Variants in MCIDAS observed in about 807,000 individuals in gnomAD.
MCIDAS encodes the protein multicilin.
In MCIDAS, 23 loss-of-function variants were observed where a neutral mutation model predicts 35.4. The observed-to-expected ratio is 0.65, with a 90% CI of 0.47 to 0.92. MCIDAS has a LOEUF of 0.92. Ranked by LOEUF, MCIDAS falls within the 40% of genes least tolerant of loss-of-function variation. The pLI is 0.00. For missense variants in MCIDAS, 480 were observed against 531.8 expected, an observed-to-expected ratio of 0.90 and a Z score of 0.96; for synonymous variants, 228 against 235.2, an observed-to-expected ratio of 0.97 and a Z score of 0.28.
Position 55,227,304 on chromosome 5 carries a change from A to G in MCIDAS, c.-166T>C. On this transcript the variant is annotated 5_prime_UTR_variant, in exon 1 of 7. Coordinates refer to ENST00000513312, the MANE Select transcript of MCIDAS (RefSeq NM_001190787.3). ...CCGAGGGGCTGCCGAGGAGGTGCTG[A>G]GAGATGGCGGGGGAGGGGGAGGACC... The G allele has an allele frequency of 5.3e-6, 5 of 943,656 alleles. No homozygotes were observed. Among genetic ancestry groups the G allele is most frequent in the Non-Finnish European group, 7.1e-6 (5 of 701,324 alleles). The allele number at this position is 943,656 out of a possible 1,614,324, so 58.5% of individuals were successfully genotyped here. A position where few individuals can be genotyped will look rare whatever the true frequency, so the allele number is the denominator to read the frequency against.
intron 5 of MCIDAS, 82 bp from the exon 6 acceptor site, chr5:55,221,208 C>T (rs1745350714): frequency 1.1e-6 from 1 of 891,704 alleles, no homozygotes; most frequent in Non-Finnish European, 1.7e-6. Context: ...AAACCCAGAT[C>T]CTGACGTCTC....
chr5:55,224,845 A>T (rs1745428729), intron 3 of MCIDAS, among the ~76,000 whole-genome samples: 1 of 152,136 alleles, frequency 6.6e-6, no homozygotes. Flanking sequence ...CCTCTGAACT[A>T]GCTCTGTCTT....
rs2111692918 is a variant in MCIDAS at position 55,222,178 on chromosome 5, G to C, written c.604C>G (p.Gln202Glu). The change falls in exon 5 of 7, where the codon CAA (glutamine) becomes GAA (glutamate). Residue 202 changes from glutamine (Q) to glutamate (E), a missense_variant and splice_region_variant. Transcript: ENST00000513312. ...GGTCGCCAGACCAGTGTCCCTACTT[G>C]ATTATTCTCAACAAGCGCGTCTCCC... ...ALGDALVENNQLHVTLTQKQE... is the reference protein window; with the variant it reads ...ALGDALVENNELHVTLTQKQE... 6.5e-7 allele frequency: 1 copy of C among 1,534,520 alleles called. No homozygotes were observed. Among genetic ancestry groups the C allele is most frequent in the Non-Finnish European group, 8.7e-7 (1 of 1,146,862 alleles).
At chr5:55,221,197 C>A in intron 5 of MCIDAS, 71 bp from the exon 6 acceptor site, 2 of 1,082,264 alleles carry the variant, frequency 1.8e-6, no homozygotes, top group South Asian at 2.9e-5. Flanking sequence ...TGGCATGAAT[C>A]AAACCCAGAT....
Position 55,227,162 on chromosome 5 carries a change from G to C in MCIDAS, c.-24C>G, listed in dbSNP as rs1745474859. On this transcript the variant is annotated 5_prime_UTR_variant, in exon 1 of 7. Coordinates refer to ENST00000513312, the MANE Select transcript of MCIDAS (RefSeq NM_001190787.3). ...ATTGTGCCTCCTGCCTCCGGGTGCC[G>C]ACTGCTCGGAGGCGGCGGCCCGGGC... 1 of 1,418,046 alleles carries C rather than the reference G, an allele frequency of 7.1e-7. No individual in the cohort carries two copies. The highest frequency in any genetic ancestry group is 1.5e-5 in the South Asian group (1 of 65,928). 87.8% of individuals were successfully genotyped at this position (1,418,046 alleles called of 1,614,324 possible).
chr5:55,222,040 G>A (rs1745367425), intron 5 of MCIDAS, 136 bp downstream of exon 5: 1 of 698,288 alleles, frequency 1.4e-6, no homozygotes, highest in African/African-American at 1.8e-5. Flanking sequence ...CCGGAGCAAT[G>A]GCAGCTACGT....
In MCIDAS at chr5:55,223,641, C is replaced by G. The variant is rs996290779; in HGVS notation, c.310-618G>C. On this transcript the variant is annotated intron_variant, in intron 3 of 6. Coordinates refer to ENST00000513312, the MANE Select transcript of MCIDAS (RefSeq NM_001190787.3). This position sits in a 1 kb window ranked among gnomAD's most constrained non-coding sequence, Gnocchi z 4.4. ...CCGGATCTTTCCACCCAAGACCCGA[C>G]AGCGTGCAGGGGCCTCGAGCAGTAA... Among the ~76,000 whole-genome samples, 1 of 152,238 alleles carries G rather than the reference C, an allele frequency of 6.6e-6. No individual in the cohort carries two copies. Among genetic ancestry groups the G allele is most frequent in the Non-Finnish European group, 1.5e-5 (1 of 68,040 alleles).
intron 1 of MCIDAS, 31 bp from the exon 2 acceptor site, chr5:55,226,962 T>C: frequency 6.7e-7 from 1 of 1,491,408 alleles, no homozygotes; most frequent in Non-Finnish European, 8.9e-7. Context: ...TGAACGCGGG[T>C]CAGCCCTCGG....
Position 55,221,040 on chromosome 5 carries a change from G to T in MCIDAS, c.693C>A (p.Thr231=). 6.5e-7 allele frequency: 1 copy of T among 1,536,056 alleles called. No individual in the cohort carries two copies. The highest frequency in any genetic ancestry group is 1.4e-5 in the African/African-American group (1 of 73,158). ...CATCCAGCACCGAGGCCAGGTGCCG[G>T]GTTCGGCTGGCGAGTTCCTTCAGCT... ...NVQLKELASR[T]RHLASVLDKL... is the part of the protein sequence containing the mutation. The change falls in exon 6 of 7, where the codon ACC becomes ACA. Residue 231 remains threonine (T), a synonymous_variant. Coordinates refer to ENST00000513312, the MANE Select transcript of MCIDAS (RefSeq NM_001190787.3).
Position 55,223,250 on chromosome 5 carries a change from C to A in MCIDAS, c.310-227G>T, listed in dbSNP as rs1233127741. ...CCCGGGCTCGGCGGCGGTCTGCTCG[C>A]ACTTACGTCGCCAGCCCAGTCTCGT... On this transcript the variant is annotated intron_variant, in intron 3 of 6. Transcript: ENST00000513312. The surrounding 1 kb of genome is among the most constrained non-coding windows in gnomAD (Gnocchi z 4.4). Among the ~76,000 whole-genome samples, 1 of 151,898 alleles carries A rather than the reference C, an allele frequency of 6.6e-6. No homozygotes were observed. The highest frequency in any genetic ancestry group is 2.4e-5 in the African/African-American group (1 of 41,332).
Position 55,221,027 on chromosome 5 carries a change from A to C in MCIDAS, c.706T>G (p.Ser236Ala), listed in dbSNP as rs1010118690. Residue 236 changes from serine to alanine, a missense_variant, in exon 6 of 7, where the codon TCG (serine) becomes GCG (alanine). By Grantham distance (99) the Ser-to-Ala change is moderately conservative. Coordinates refer to ENST00000513312, the MANE Select transcript of MCIDAS (RefSeq NM_001190787.3). The stretch of plus-strand genomic sequence containing the variant: ...CGCGCCCCACTTACATCCAGCACCG[A>C]GGCCAGGTGCCGGGTTCGGCTGGCG... ...ELASRTRHLA[S>A]VLDKLMITQS... The C allele has an allele frequency of 7.8e-6, 12 of 1,535,720 alleles. No homozygotes were observed. The highest frequency in any genetic ancestry group is 1.7e-4 in the Middle Eastern group (1 of 6,002).
rs1745315744 is a variant in MCIDAS, at chr5:55,219,733, C to T, written c.*633G>A. Reference sequence around the variant, plus strand: ...TGAATGATCATTACAAACAAATGTGCTTAGCACCTATTTTGTTGATAGCCC... The same window carrying T: ...TGAATGATCATTACAAACAAATGTGTTTAGCACCTATTTTGTTGATAGCCC... On this transcript the variant is annotated 3_prime_UTR_variant, in exon 7 of 7. Coordinates refer to ENST00000513312, the MANE Select transcript of MCIDAS (RefSeq NM_001190787.3). 1 of 152,150 alleles carries T rather than the reference C, an allele frequency of 6.6e-6. No individual in the cohort carries two copies. Among genetic ancestry groups the T allele is most frequent in the South Asian group, 2.1e-4 (1 of 4,814 alleles). The allele number at this position is 152,150 out of a possible 1,614,324, so 9.4% of individuals were successfully genotyped here.
Position 55,222,243 on chromosome 5 carries a change from TGCTCAG to T in MCIDAS, c.533_538del (p.Pro178_Glu179del). On this transcript the variant is annotated inframe_deletion, in exon 5 of 7. Transcript: ENST00000513312. Reference sequence around the variant, plus strand: ...CTGGTCCGCCACCTCCTTCCAGTATTGCTCAGGCGGGGGCACGTCTGGAGGGCGCAG... The same window carrying T: ...CTGGTCCGCCACCTCCTTCCAGTATTGCGGGGGCACGTCTGGAGGGCGCAG... 6.5e-7 allele frequency: 1 copy of T among 1,536,010 alleles called. No individual in the cohort carries two copies. The highest frequency in any genetic ancestry group is 1.2e-5 in the South Asian group (1 of 84,054).
chr5:55,220,177 T>G lies in MCIDAS; in HGVS notation c.*189A>C. On this transcript the variant is annotated 3_prime_UTR_variant, in exon 7 of 7. Transcript: ENST00000513312. Reference sequence around the variant, plus strand: ...GTGACATATACATATATAAACAGAGTTTCACTGTGACAAGGGGAGGGGCTA... The same window carrying G: ...GTGACATATACATATATAAACAGAGGTTCACTGTGACAAGGGGAGGGGCTA... 1 of 596,270 alleles carries G rather than the reference T, an allele frequency of 1.7e-6. No homozygotes were observed. Among genetic ancestry groups the G allele is most frequent in the Non-Finnish European group, 2.9e-6 (1 of 344,288 alleles). 36.9% of individuals were successfully genotyped at this position (596,270 alleles called of 1,614,324 possible).
intron 3 of MCIDAS, among the ~76,000 whole-genome samples, chr5:55,225,200 C>T (rs1268689900): frequency 6.6e-6 from 1 of 151,962 alleles, no homozygotes; most frequent in African/African-American, 2.4e-5. Context: ...AGAGTGAGAC[C>T]TTGTCTCAAA....
chr5:55,226,801 A>C, intron 2 of MCIDAS, 34 bp downstream of exon 2: 1 of 1,385,768 alleles, frequency 7.2e-7, no homozygotes, highest in Non-Finnish European at 9.3e-7. Flanking sequence ...GGCGCGGGGA[A>C]CCCGAGGGGT....
In MCIDAS at chr5:55,220,462, G is replaced by T; in HGVS notation, c.1062C>A (p.Ser354Arg). The change falls in exon 7 of 7, where the codon AGC becomes AGA. Residue 354 changes from serine (S) to arginine (R), a missense_variant. Physicochemically the swap from Ser to Arg is moderately radical, Grantham distance 110. Coordinates refer to ENST00000513312, the MANE Select transcript of MCIDAS (RefSeq NM_001190787.3). ...AGGCGAGGGTGCGGATGGTGCTGTG[G>T]CTGCGGATGCGGGTGCTGAAGGAGC... The part of the protein sequence containing the change: ...EGGSFSTRIR[S>R]HSTIRTLAFP... 6.5e-7 allele frequency: 1 copy of T among 1,536,076 alleles called. No homozygotes were observed. The highest frequency in any genetic ancestry group is 1.4e-5 in the African/African-American group (1 of 73,156).
At chr5:55,220,853 C>T (rs1745342544) in intron 6 of MCIDAS, 47 bp from the exon 7 acceptor site, 16 of 1,497,698 alleles carry the variant, frequency 1.1e-5, no homozygotes, top group Non-Finnish European at 9.8e-6. Context: ...GCCGGACCCT[C>T]CGGGTTCGGA....
At position 55,223,434 on chromosome 5, in the gene MCIDAS, C is replaced by T. The variant is rs1014919207; in HGVS notation, c.310-411G>A. On this transcript the variant is annotated intron_variant, in intron 3 of 6. Coordinates refer to ENST00000513312, the MANE Select transcript of MCIDAS (RefSeq NM_001190787.3). This position sits in a 1 kb window ranked among gnomAD's most constrained non-coding sequence, Gnocchi z 4.4. ...GCGTGGCGGGAATGGGTCCTTCCAC[C>T]GGCGGTGCGGCGGCCCTGCGCCGGC... 6.6e-6 allele frequency among the ~76,000 whole-genome samples: 1 copy of T among 152,170 alleles called. No homozygotes were observed. Among genetic ancestry groups the T allele is most frequent in the Non-Finnish European group, 1.5e-5 (1 of 68,008 alleles).
Sources: allele counts gnomAD v4.1 joint callset (sites outside exome capture counted in the v4.1 genomes callset), GRCh38; gene constraint gnomAD v4.1.1; non-coding constraint Gnocchi (gnomAD v3.1); transcripts MANE v1.5; gene names NCBI Gene and HGNC (gene_info 2026-07-23, HGNC 2026-07-21).